Variants in ATP10B observed in about 807,000 individuals in gnomAD.
ATP10B encodes ATPase phospholipid transporting 10B (putative).
Under a neutral mutation model 141.2 loss-of-function variants are expected in ATP10B, and 122 were observed. The ratio of observed to expected loss-of-function variants is 0.86; its 90% confidence interval spans 0.75 to 1.00. The LOEUF is 1.00. Among genes scored for constraint, ATP10B ranks in the 50% least tolerant of loss-of-function variants. The probability of loss-of-function intolerance (pLI) is 0.00; values close to 1 mark genes in which losing one functional copy is unlikely to be tolerated. For missense variants in ATP10B, 1,876 were observed against 1,825.3 expected, an observed-to-expected ratio of 1.03 and a Z score of -0.51; for synonymous variants, 685 against 692.0, an observed-to-expected ratio of 0.99 and a Z score of 0.16.
At chr5:160,856,869 A>G (rs1754012471), upstream of ATP10B, among the ~76,000 whole-genome samples, 1 of 151,304 alleles carries the variant, frequency 6.6e-6, no homozygotes, top group African/African-American at 2.4e-5. Flanking sequence ...GGTCTATTAC[A>G]TTAATTGATT....
chr5:160,808,991 G>A (rs1399786807), intron 1 of ATP10B, among the ~76,000 whole-genome samples: 2 of 152,170 alleles, frequency 1.3e-5, no homozygotes, highest in African/African-American at 4.8e-5. Context: ...GCTTGTGGAA[G>A]CATCACCCCA....
chr5:160,588,342 C>G (rs1028748358), intron 24 of ATP10B, among the ~76,000 whole-genome samples: 3 of 152,108 alleles, frequency 2.0e-5, no homozygotes, highest in Non-Finnish European at 4.4e-5. Context: ...TTGAGTGGCT[C>G]TTATCAGCCA....
At chr5:160,605,866 A>G (rs1479587864) in intron 19 of ATP10B, among the ~76,000 whole-genome samples, 1 of 152,206 alleles carries the variant, frequency 6.6e-6, no homozygotes, top group African/African-American at 2.4e-5. Context: ...CTCATGGTCT[A>G]CTGAGGAGGC....
At chr5:160,906,866 G>T in the ATP10B span, among the ~76,000 whole-genome samples, 3 of 152,296 alleles carry the variant, frequency 2.0e-5, no homozygotes, top group African/African-American at 4.8e-5. Flanking sequence ...GTCCCTGAAG[G>T]CATCGTTGAG....
At chr5:160,690,103 G>A (rs1479674643) in intron 3 of ATP10B, among the ~76,000 whole-genome samples, 1 of 152,074 alleles carries the variant, frequency 6.6e-6, no homozygotes, top group Non-Finnish European at 1.5e-5. Flanking sequence ...ACGAGCAATG[G>A]GGAAAGGATT....
At chr5:160,623,960 A>G (rs146845770) in intron 13 of ATP10B, among the ~76,000 whole-genome samples, 1 of 152,356 alleles carries the variant, frequency 6.6e-6, no homozygotes, top group East Asian at 1.9e-4. Flanking sequence ...CTAGAGCTCT[A>G]ACTACAGCTT....
At chr5:160,891,137 ACTTTTTGAGGC>A in the ATP10B span, among the ~76,000 whole-genome samples, 1 of 152,204 alleles carries the variant, frequency 6.6e-6, no homozygotes, top group South Asian at 2.1e-4. Flanking sequence ...ATTCTGTTAA[ACTTTTTGAGGC>A]CTTTTGTGTA....
the ATP10B span, among the ~76,000 whole-genome samples, chr5:160,927,430 T>TG: frequency 6.6e-6 from 1 of 152,196 alleles, no homozygotes; most frequent in Non-Finnish European, 1.5e-5. Context: ...CATACCTTGC[T>TG]GTTTCTTAGG....
At chr5:160,604,090 T>A (rs771017177) in intron 19 of ATP10B, 49 bp from the exon 20 acceptor site, 2 of 1,407,690 alleles carry the variant, frequency 1.4e-6, no homozygotes, top group Non-Finnish European at 2.0e-6. Flanking sequence ...AACTGCTCAG[T>A]GACAATGAGG....
At chr5:160,769,991 CAA>C (rs1244541543) in intron 2 of ATP10B, among the ~76,000 whole-genome samples, 3 of 152,148 alleles carry the variant, frequency 2.0e-5, no homozygotes, top group Non-Finnish European at 2.9e-5. Flanking sequence ...AAATAATGTA[CAA>C]AGAGAAGTGA....
the ATP10B span, among the ~76,000 whole-genome samples, chr5:160,921,292 T>C: frequency 6.6e-6 from 1 of 152,018 alleles, no homozygotes; most frequent in Non-Finnish European, 1.5e-5. Flanking sequence ...TTTTTTTACT[T>C]AATATATCTT....
rs181115476 is a variant in ATP10B, at chr5:160,664,855, T to C, written c.675+5608A>G. ...AAGCATTCATTTCTGATTCTTTGGC[T>C]TAGATAACTGTTACATTTATCAAAA... is the stretch of plus-strand genomic sequence containing the variant. On this transcript the variant is annotated intron_variant, in intron 7 of 25. Coordinates refer to ENST00000327245, the MANE Select transcript of ATP10B (RefSeq NM_025153.3). Among the ~76,000 whole-genome samples, 14 of 152,346 alleles carry C rather than the reference T, an allele frequency of 9.2e-5. No individual in the cohort carries two copies. The East Asian group carries it at 2.5e-3, about 27-fold the overall frequency.
intron 1 of ATP10B, among the ~76,000 whole-genome samples, chr5:160,802,529 G>T (rs540481324): frequency 6.6e-6 from 1 of 152,298 alleles, no homozygotes; most frequent in Non-Finnish European, 1.5e-5. Context: ...TGAATGCACA[G>T]AACATTTCCC....
rs1319508679 is a variant in ATP10B at position 160,563,844 on chromosome 5, T to G, written c.*1609A>C. 1.3e-5 allele frequency: 2 copies of G among 152,218 alleles called. No individual in the cohort carries two copies. Among genetic ancestry groups the G allele is most frequent in the Non-Finnish European group, 2.9e-5 (2 of 68,040 alleles). The allele number at this position is 152,218 out of a possible 1,614,324, so 9.4% of individuals were successfully genotyped here. On this transcript the variant is annotated 3_prime_UTR_variant, in exon 26 of 26. Coordinates refer to ENST00000327245, the MANE Select transcript of ATP10B (RefSeq NM_025153.3). Reference sequence around the variant, plus strand: ...CACATCATCATCACTTTGCCAGGTATGTGTACCTGCCCCTTATTGGGCAAT... The same window carrying G: ...CACATCATCATCACTTTGCCAGGTAGGTGTACCTGCCCCTTATTGGGCAAT...
intron 6 of ATP10B, among the ~76,000 whole-genome samples, chr5:160,676,691 A>AT: frequency 6.6e-6 from 1 of 152,304 alleles, no homozygotes; most frequent in Admixed American, 6.5e-5. Context: ...ACCTTTGGCC[A>AT]TTTTAACATC....
chr5:160,659,233 A>C (rs1761723752), intron 7 of ATP10B, among the ~76,000 whole-genome samples: 1 of 152,148 alleles, frequency 6.6e-6, no homozygotes, highest in African/African-American at 2.4e-5. Context: ...TGGGAGGCTG[A>C]GGAGGGTGGA....
the ATP10B span, among the ~76,000 whole-genome samples, chr5:160,894,066 G>T: frequency 6.6e-6 from 1 of 152,148 alleles, no homozygotes; most frequent in Non-Finnish European, 1.5e-5. Flanking sequence ...ACAAAAGGTA[G>T]ATAAATCCAC....
intron 2 of ATP10B, among the ~76,000 whole-genome samples, chr5:160,763,546 C>A (rs67880858): frequency 1.3e-5 from 2 of 151,816 alleles, no homozygotes; most frequent in Non-Finnish European, 2.9e-5. Flanking sequence ...CAAAACCTCT[C>A]GGATACAGCA....
At chr5:160,658,259 TC>T (rs1761644493) in intron 7 of ATP10B, among the ~76,000 whole-genome samples, 1 of 152,022 alleles carries the variant, frequency 6.6e-6, no homozygotes, top group African/African-American at 2.4e-5. Context: ...AAGAGCAAAG[TC>T]CATGGGAGCA....
Sources: allele counts gnomAD v4.1 joint callset (sites outside exome capture counted in the v4.1 genomes callset), GRCh38; gene constraint gnomAD v4.1.1; transcripts MANE v1.5; gene names NCBI Gene and HGNC (gene_info 2026-07-23, HGNC 2026-07-21).